Variants in ANP32A observed in about 807,000 individuals in gnomAD.
ANP32A encodes the protein acidic leucine-rich nuclear phosphoprotein 32 family member A.
Under a neutral mutation model 33.9 loss-of-function variants are expected in ANP32A, and 1 was observed. That is an observed-to-expected ratio of 0.03 (90% CI 0.01 to 0.14). The LOEUF (loss-of-function observed/expected upper bound fraction) is 0.14, where lower values mean the gene tolerates loss of function less well. Ranked by LOEUF, ANP32A falls within the 10% of genes least tolerant of loss-of-function variation. The probability of loss-of-function intolerance (pLI) is 1.00; values close to 1 mark genes in which losing one functional copy is unlikely to be tolerated. For missense variants in ANP32A, 155 were observed against 306.0 expected (o/e 0.51, Z 3.68); for synonymous variants, 115 against 120.5 (o/e 0.95, Z 0.30).
chr15:68,781,787 A>G (rs1298371295), intron 5 of ANP32A, among the ~76,000 whole-genome samples: 1 of 152,132 alleles, frequency 6.6e-6, no homozygotes, highest in African/African-American at 2.4e-5. Context: ...TATTTTTAGT[A>G]GAGATGGAGT....
At chr15:68,799,830 T>C (rs1212229341) in intron 1 of ANP32A, among the ~76,000 whole-genome samples, 1 of 152,238 alleles carries the variant, frequency 6.6e-6, no homozygotes, top group Non-Finnish European at 1.5e-5. Context: ...TAGTGATGTT[T>C]AGGCTTGAGG....
chr15:68,780,161 G>A lies in ANP32A; in HGVS notation c.689-19C>T, dbSNP rs145685957. On this transcript the variant is annotated intron_variant, in intron 6 of 6. Transcript: ENST00000465139. The surrounding 1 kb of genome is among the most constrained non-coding windows in gnomAD (Gnocchi z 4.3). ...TCTTCTTCTGGAAAAGTAAGAAAGCGGCATTTAGATTAGTTATTAATCCCA... is the reference window on the plus strand; with the variant it reads ...TCTTCTTCTGGAAAAGTAAGAAAGCAGCATTTAGATTAGTTATTAATCCCA... 2.5e-5 allele frequency: 41 copies of A among 1,613,412 alleles called. No individual in the cohort carries two copies. The highest frequency in any genetic ancestry group is 1.2e-4 in the South Asian group (11 of 91,048).
intron 1 of ANP32A, chr15:68,792,153 C>T (rs189344476): frequency 2.0e-5 from 3 of 152,080 alleles, no homozygotes; most frequent in Admixed American, 2.0e-4. Context: ...CCAAGGCCCA[C>T]TTCCCCTGCC....
chr15:68,816,369 C>T (rs1894381958), intron 1 of ANP32A, among the ~76,000 whole-genome samples: 1 of 152,132 alleles, frequency 6.6e-6, no homozygotes, highest in African/African-American at 2.4e-5. Flanking sequence ...CCCCTGTATG[C>T]CTCAATTTCC....
intron 1 of ANP32A, among the ~76,000 whole-genome samples, chr15:68,812,430 C>T (rs945621548): frequency 6.6e-5 from 10 of 152,222 alleles, no homozygotes; most frequent in African/African-American, 2.4e-4. Flanking sequence ...GGAAGGCACC[C>T]GTCTGGGGTA....
intron 1 of ANP32A, among the ~76,000 whole-genome samples, chr15:68,796,072 A>T (rs964334048): frequency 2.0e-5 from 3 of 152,144 alleles, no homozygotes; most frequent in Non-Finnish European, 2.9e-5. Flanking sequence ...ACCCAGTGAA[A>T]ATCTTACAGA....
intron 1 of ANP32A, among the ~76,000 whole-genome samples, chr15:68,794,238 G>A (rs1489612784): frequency 5.1e-4 from 77 of 152,324 alleles, no homozygotes; most frequent in Admixed American, 5.0e-3. Flanking sequence ...GGGCAGGTTA[G>A]CAGATTTGAG....
At chr15:68,782,889 A>T (rs1432588575) in intron 5 of ANP32A, 67 bp downstream of exon 5, 1 of 1,544,436 alleles carries the variant, frequency 6.5e-7, no homozygotes, top group East Asian at 2.4e-5. Context: ...AAGACTGATC[A>T]CAGAGGCAGT....
intron 1 of ANP32A, among the ~76,000 whole-genome samples, chr15:68,817,038 T>C (rs936610837): frequency 2.0e-5 from 3 of 152,248 alleles, no homozygotes; most frequent in Admixed American, 6.5e-5. Flanking sequence ...CAGCCTCTGC[T>C]GGACACTGCC....
chr15:68,820,114 C>T (rs575657588), intron 1 of ANP32A, among the ~76,000 whole-genome samples: 10 of 152,290 alleles, frequency 6.6e-5, no homozygotes, highest in Non-Finnish European at 8.8e-5. Flanking sequence ...CACGCGCTCT[C>T]CCCGGGGGCC....
chr15:68,791,590 G>C (rs1244750562), intron 1 of ANP32A: 2 of 152,802 alleles, frequency 1.3e-5, no homozygotes, highest in Admixed American at 1.3e-4. Flanking sequence ...CAAGGATACA[G>C]AGAGGGGCCT....
Position 68,797,602 on chromosome 15 carries a change from CA to C in ANP32A, c.55-9684del, listed in dbSNP as rs1254930075. 2.0e-5 allele frequency among the ~76,000 whole-genome samples: 3 copies of C among 152,298 alleles called. No homozygotes were observed. In the East Asian group the frequency reaches 5.8e-4, roughly 29 times the overall value. Reference sequence around the variant, plus strand: ...ACCCCCACCCATCAGTGCTCCCTGGCAAAACCCCTGTGCTTCCTCCCATCTC... The same window carrying C: ...ACCCCCACCCATCAGTGCTCCCTGGCAAACCCCTGTGCTTCCTCCCATCTC... On this transcript the variant is annotated intron_variant, in intron 1 of 6. Coordinates refer to ENST00000465139, the MANE Select transcript of ANP32A (RefSeq NM_006305.4).
Position 68,780,055 on chromosome 15 carries a change from G to T in ANP32A, c.*26C>A, listed in dbSNP as rs904450530. The T allele has an allele frequency of 6.2e-7, 1 of 1,610,550 alleles. No homozygotes were observed. Among genetic ancestry groups the T allele is most frequent in the Admixed American group, 1.7e-5 (1 of 59,826 alleles). ...GGTAAAAACAGTCAAATCACAATAG[G>T]AATTTTTCAAAATAGGTTATTCCAC... On this transcript the variant is annotated 3_prime_UTR_variant, in exon 7 of 7. Transcript: ENST00000465139. The surrounding 1 kb of genome is among the most constrained non-coding windows in gnomAD (Gnocchi z 4.3).
chr15:68,807,431 G>GT (rs1491491154), intron 1 of ANP32A, among the ~76,000 whole-genome samples: 76 of 141,738 alleles, frequency 5.4e-4, no homozygotes, highest in East Asian at 1.7e-3. Context: ...AGAAAACGGG[G>GT]GGGGGGGAGT....
At chr15:68,801,777 T>TCTTCACTG (rs1894139841) in intron 1 of ANP32A, 2 of 154,710 alleles carry the variant, frequency 1.3e-5, no homozygotes, top group African/African-American at 4.8e-5. Context: ...GAACAGTCTC[T>TCTTCACTG]CTTCACTGTA....
chr15:68,807,434 G>GGA (rs1555424033), intron 1 of ANP32A, among the ~76,000 whole-genome samples: 1 of 147,410 alleles, frequency 6.8e-6, no homozygotes, highest in Non-Finnish European at 1.5e-5. Flanking sequence ...AAACGGGGGG[G>GGA]GGGGAGTCTC....
intron 1 of ANP32A, among the ~76,000 whole-genome samples, chr15:68,793,594 G>A (rs575151145): frequency 1.3e-5 from 2 of 152,202 alleles, no homozygotes; most frequent in South Asian, 4.1e-4. Context: ...AGTCCAGTGT[G>A]CCAGGTAGCA....
chr15:68,807,801 T>C (rs1894256358), intron 1 of ANP32A, among the ~76,000 whole-genome samples: 1 of 152,220 alleles, frequency 6.6e-6, no homozygotes, highest in African/African-American at 2.4e-5. Context: ...TCTCAAGCAC[T>C]ACTGCCCACT....
chr15:68,803,834 GCT>G (rs1207622896), intron 1 of ANP32A, among the ~76,000 whole-genome samples: 9 of 99,650 alleles, frequency 9.0e-5, no homozygotes, highest in Non-Finnish European at 1.7e-4. Flanking sequence ...ACGGAGTCTT[GCT>G]CTGTTGCCAG....
Sources: allele counts gnomAD v4.1 joint callset (sites outside exome capture counted in the v4.1 genomes callset), GRCh38; gene constraint gnomAD v4.1.1; non-coding constraint Gnocchi (gnomAD v3.1); transcripts MANE v1.5; gene names NCBI Gene and HGNC (gene_info 2026-07-23, HGNC 2026-07-21).